The following SLC67A2 variants were observed in gnomAD, a reference collection of about 807,000 sequenced individuals.
The protein encoded by SLC67A2 is solute carrier family 67 member A2.
chr2:102,724,323 C>T, the SLC67A2 span, among the ~76,000 whole-genome samples: 1 of 152,116 alleles, frequency 6.6e-6, no homozygotes, highest in Admixed American at 6.5e-5. Flanking sequence ...TACTCTATGG[C>T]CAGCCCTAAG....
the SLC67A2 span, among the ~76,000 whole-genome samples, chr2:102,724,950 A>G: frequency 6.6e-6 from 1 of 152,240 alleles, no homozygotes; most frequent in Non-Finnish European, 1.5e-5. Context: ...GGACTGGGCC[A>G]GAACATGATT....
At chr2:102,732,444 G>T in the SLC67A2 span, 1 of 1,530,698 alleles carries the variant, frequency 6.5e-7, no homozygotes, top group Non-Finnish European at 8.9e-7. Context: ...ACTCAAATTA[G>T]TATTTTTCAA....
the SLC67A2 span, among the ~76,000 whole-genome samples, chr2:102,720,821 A>T: frequency 1.3e-4 from 20 of 152,234 alleles, no homozygotes; most frequent in South Asian, 2.1e-4. Flanking sequence ...AGAGGAGGAT[A>T]TAAGAAGCTA....
chr2:102,723,708 A>G, the SLC67A2 span: 1 of 1,614,126 alleles, frequency 6.2e-7, no homozygotes, highest in East Asian at 2.2e-5. Flanking sequence ...ACCAGCATTG[A>G]GAATGAAGAC....
the SLC67A2 span, among the ~76,000 whole-genome samples, chr2:102,724,407 T>G: frequency 6.6e-6 from 1 of 152,182 alleles, no homozygotes; most frequent in South Asian, 2.1e-4. Flanking sequence ...AGAAATTTGA[T>G]AGCACCATCA....
chr2:102,729,674 T>TA, the SLC67A2 span, among the ~76,000 whole-genome samples: 13 of 152,308 alleles, frequency 8.5e-5, no homozygotes, highest in African/African-American at 2.9e-4. Context: ...AATATGGGCT[T>TA]AGAGTCTAAA....
chr2:102,730,876 T>C, the SLC67A2 span: 10 of 732,776 alleles, frequency 1.4e-5, no homozygotes, highest in South Asian at 1.9e-5. Flanking sequence ...TTTGTTTACA[T>C]TCTTTTTGTC....
At chr2:102,734,999 C>A in the SLC67A2 span, among the ~76,000 whole-genome samples, 1 of 152,196 alleles carries the variant, frequency 6.6e-6, no homozygotes, top group Non-Finnish European at 1.5e-5. Flanking sequence ...GCTGAACCAG[C>A]CCAAGTCCCT....
At chr2:102,718,367 C>G in the SLC67A2 span, 11 of 1,592,680 alleles carry the variant, frequency 6.9e-6, no homozygotes, top group Admixed American at 1.2e-4. Context: ...TCATGGCCTC[C>G]GGCCCTCATT....
the SLC67A2 span, chr2:102,736,699 C>T: frequency 1.5e-5 from 25 of 1,613,348 alleles, no homozygotes; most frequent in Admixed American, 4.2e-4. Context: ...CCGACGGCAC[C>T]GGAGTCGGCA....
the SLC67A2 span, among the ~76,000 whole-genome samples, chr2:102,734,901 C>A: frequency 6.6e-6 from 1 of 152,196 alleles, no homozygotes; most frequent in Non-Finnish European, 1.5e-5. Context: ...TTGTTTTATT[C>A]TAATACTAAA....
At chr2:102,724,773 G>A in the SLC67A2 span, among the ~76,000 whole-genome samples, 3 of 152,198 alleles carry the variant, frequency 2.0e-5, no homozygotes, top group Non-Finnish European at 4.4e-5. Flanking sequence ...CTGTGCTGCC[G>A]CCGAGTGCTT....
the SLC67A2 span, among the ~76,000 whole-genome samples, chr2:102,715,356 G>T: frequency 6.6e-6 from 1 of 152,130 alleles, no homozygotes; most frequent in Admixed American, 6.5e-5. Context: ...CATCTGTGGT[G>T]CTTCAGAGTC....
At chr2:102,723,188 G>C in the SLC67A2 span, among the ~76,000 whole-genome samples, 2,303 of 152,312 alleles carry the variant, frequency 0.015, 64 homozygotes, top group African/African-American at 0.053. Context: ...GAGAACTCTT[G>C]GGCTGGGCGC....
At chr2:102,736,850 G>C in the SLC67A2 span, 9 of 1,559,142 alleles carry the variant, frequency 5.8e-6, no homozygotes, top group East Asian at 9.1e-5. Flanking sequence ...AGCAGCCGCG[G>C]ACCTACCCCG....
the SLC67A2 span, chr2:102,718,281 C>T: frequency 6.0e-6 from 6 of 996,906 alleles, no homozygotes; most frequent in African/African-American, 1.6e-5. Context: ...CAAGAGCTGA[C>T]CTGGAAGCCC....
At chr2:102,736,709 A>G in the SLC67A2 span, 2 of 1,613,582 alleles carry the variant, frequency 1.2e-6, no homozygotes, top group Non-Finnish European at 1.7e-6. Flanking sequence ...CGGAGTCGGC[A>G]GCCTCCGCCT....
At chr2:102,720,600 C>T in the SLC67A2 span, among the ~76,000 whole-genome samples, 2 of 152,134 alleles carry the variant, frequency 1.3e-5, no homozygotes, top group Non-Finnish European at 2.9e-5. Flanking sequence ...TGCTTGTATG[C>T]AGAACCTCTT....
the SLC67A2 span, among the ~76,000 whole-genome samples, chr2:102,720,394 A>G: frequency 6.6e-6 from 1 of 152,240 alleles, no homozygotes; most frequent in Non-Finnish European, 1.5e-5. Context: ...CTAAAAAAGT[A>G]GAATTAAAAT....
Sources: allele counts gnomAD v4.1 joint callset (sites outside exome capture counted in the v4.1 genomes callset), GRCh38; gene constraint gnomAD v4.1.1; transcripts MANE v1.5; gene names NCBI Gene and HGNC (gene_info 2026-07-23, HGNC 2026-07-21).